The following CSMD2 variants were observed in gnomAD, a reference collection of about 807,000 sequenced individuals.
The protein encoded by CSMD2 is CUB and Sushi multiple domains 2, also known as CUB and sushi domain-containing protein 2.
A neutral mutation model predicts 398.5 loss-of-function variants in CSMD2; 130 were observed. The observed-to-expected ratio is 0.33, with a 90% CI of 0.28 to 0.38. The LOEUF is 0.38. Ranked by LOEUF, CSMD2 falls within the 10% of genes least tolerant of loss-of-function variation. CSMD2 has a pLI of 1.00. For synonymous variants in CSMD2, 1,828 were observed against 1,908.5 expected (o/e 0.96, Z 1.10); for missense variants, 3,829 against 4,764.9 (o/e 0.80, Z 5.78).
At chr1:33,819,894 A>G in intron 8 of CSMD2, 57 bp from the exon 9 acceptor site, 1 of 1,602,608 alleles carries the variant, frequency 6.2e-7, no homozygotes, top group Non-Finnish European at 8.5e-7. Context: ...GCCCCGCCCC[A>G]AGTCCTTCCT....
At chr1:33,610,960 C>A (rs1421169783) in intron 41 of CSMD2, 81 bp downstream of exon 41, 27 of 1,370,736 alleles carry the variant, frequency 2.0e-5, no homozygotes, top group Non-Finnish European at 2.8e-5. Context: ...TTTTCCCCCA[C>A]ATGGAAGGCT....
intron 21 of CSMD2, among the ~76,000 whole-genome samples, chr1:33,709,881 C>T (rs1374055361): frequency 1.3e-5 from 2 of 151,996 alleles, no homozygotes; most frequent in Admixed American, 6.6e-5. Context: ...TGTGGATTCA[C>T]GAGGAGGAGG....
chr1:33,787,817 C>T (rs925965007), intron 12 of CSMD2, among the ~76,000 whole-genome samples: 1 of 151,972 alleles, frequency 6.6e-6, no homozygotes, highest in Non-Finnish European at 1.5e-5. Context: ...TCTCCTGGGC[C>T]CCAGGGTTTG....
At chr1:33,694,689 A>G (rs911506604) in intron 24 of CSMD2, among the ~76,000 whole-genome samples, 1 of 152,152 alleles carries the variant, frequency 6.6e-6, no homozygotes, top group African/African-American at 2.4e-5. Context: ...TTTACAAATT[A>G]CCTAGTCTCA....
intron 4 of CSMD2, among the ~76,000 whole-genome samples, chr1:33,935,309 T>C (rs1431678037): frequency 2.0e-5 from 3 of 151,974 alleles, no homozygotes; most frequent in African/African-American, 7.3e-5. Context: ...TTGAGCATAT[T>C]TGGAGGCTGA....
chr1:33,643,655 A>G (rs1429307418), intron 29 of CSMD2, among the ~76,000 whole-genome samples: 1 of 152,196 alleles, frequency 6.6e-6, no homozygotes, highest in Non-Finnish European at 1.5e-5. Context: ...TACAGTTATG[A>G]AGTGATGGAG....
chr1:33,765,070 G>C (rs1215701027), intron 13 of CSMD2, among the ~76,000 whole-genome samples: 1 of 152,174 alleles, frequency 6.6e-6, no homozygotes. Context: ...TTAGAAAGAC[G>C]GAAGTAGGCG....
intron 4 of CSMD2, among the ~76,000 whole-genome samples, chr1:33,927,450 T>C (rs1399615723): frequency 6.6e-6 from 1 of 152,336 alleles, no homozygotes; most frequent in Admixed American, 6.5e-5. Context: ...CCAGGCATTG[T>C]GCAAAATGCT....
rs139955459 is a variant in CSMD2, at chr1:33,683,823, A to G, written c.4052+9107T>C. Among the ~76,000 whole-genome samples the G allele has an allele frequency of 9.8e-5, 15 of 152,346 alleles. No individual in the cohort carries two copies. The East Asian group carries it at 2.9e-3, about 29-fold the overall frequency. On this transcript the variant is annotated intron_variant, in intron 25 of 70. Coordinates refer to ENST00000373381, the MANE Select transcript of CSMD2 (RefSeq NM_001281956.2). Reference sequence around the variant, plus strand: ...AATTTGTTGAAGACTTAAATCTGACAAAGGAATACCCCACTGTGTGTGTGC... The same window carrying G: ...AATTTGTTGAAGACTTAAATCTGACGAAGGAATACCCCACTGTGTGTGTGC...
intron 5 of CSMD2, among the ~76,000 whole-genome samples, chr1:33,867,048 T>C (rs1312677610): frequency 6.6e-6 from 1 of 152,252 alleles, no homozygotes; most frequent in East Asian, 1.9e-4. Context: ...TCCTATTAAG[T>C]GTGGGCTGGA....
At chr1:34,122,326 C>G (rs1446874186) in intron 1 of CSMD2, among the ~76,000 whole-genome samples, 2 of 152,002 alleles carry the variant, frequency 1.3e-5, no homozygotes, top group Non-Finnish European at 2.9e-5. Context: ...TTTGGGGCAC[C>G]TTTTTCATCT....
upstream of CSMD2, among the ~76,000 whole-genome samples, chr1:34,165,582 CCACACACACACACACAAACACACA>C (rs548865433): frequency 1.8e-3 from 270 of 150,172 alleles, 1 homozygote; most frequent in African/African-American, 6.4e-3. Context: ...ACCCCCCTCT[CCACACACACACACACAAACACACA>C]CACACACACA....
intron 2 of CSMD2, among the ~76,000 whole-genome samples, chr1:34,082,363 C>T (rs546132772): frequency 3.4e-4 from 52 of 151,930 alleles, no homozygotes; most frequent in Non-Finnish European, 5.7e-4. Context: ...GCAGCCGCCC[C>T]GTCTGGGAGG....
chr1:33,973,309 G>A (rs1645839826), intron 3 of CSMD2, among the ~76,000 whole-genome samples: 2 of 152,222 alleles, frequency 1.3e-5, no homozygotes, highest in Non-Finnish European at 2.9e-5. Flanking sequence ...ACAGCTGAGA[G>A]GGGACATTGC....
chr1:33,864,884 TGAG>T, intron 5 of CSMD2: 1 of 539,386 alleles, frequency 1.9e-6, no homozygotes, highest in Non-Finnish European at 2.8e-6. Flanking sequence ...AGACTGATCC[TGAG>T]GAGGGGAACG....
At chr1:34,057,122 G>A (rs1653920638) in intron 2 of CSMD2, among the ~76,000 whole-genome samples, 1 of 152,110 alleles carries the variant, frequency 6.6e-6, no homozygotes, top group Non-Finnish European at 1.5e-5. Flanking sequence ...CAGAGAGTGG[G>A]AGCGAAAGCC....
intron 2 of CSMD2, among the ~76,000 whole-genome samples, chr1:34,077,713 G>C (rs1656588291): frequency 2.1e-5 from 3 of 140,564 alleles, no homozygotes; most frequent in Admixed American, 1.5e-4. Flanking sequence ...CTCCAGCCTG[G>C]GCCACACAGC....
At chr1:33,900,032 G>T (rs1424774960) in intron 5 of CSMD2, among the ~76,000 whole-genome samples, 1 of 152,204 alleles carries the variant, frequency 6.6e-6, no homozygotes, top group Non-Finnish European at 1.5e-5. Flanking sequence ...CGGAGCATAT[G>T]CTGGGAGGCT....
At chr1:34,004,165 T>C (rs144591803) in intron 3 of CSMD2, among the ~76,000 whole-genome samples, 4 of 152,306 alleles carry the variant, frequency 2.6e-5, no homozygotes, top group African/African-American at 9.6e-5. Flanking sequence ...TCTAGGATCA[T>C]GTGAATCCAA....
Sources: allele counts gnomAD v4.1 joint callset (sites outside exome capture counted in the v4.1 genomes callset), GRCh38; gene constraint gnomAD v4.1.1; transcripts MANE v1.5; gene names NCBI Gene and HGNC (gene_info 2026-07-23, HGNC 2026-07-21).